RIMS1: variants seen among roughly 807,000 people sequenced by gnomAD.
RIMS1 encodes the protein regulating synaptic membrane exocytosis protein 1.
RIMS1 carries 83 observed loss-of-function variants against 214.1 expected under a neutral mutation model. The observed-to-expected ratio is 0.39, with a 90% CI of 0.32 to 0.47. The LOEUF is 0.47. Among genes scored for constraint, RIMS1 ranks in the 20% least tolerant of loss-of-function variants. The pLI is 0.99. For synonymous variants in RIMS1, 793 were observed against 786.8 expected, an observed-to-expected ratio of 1.01 and a Z score of -0.13; for missense variants, 2,050 against 2,161.8, an observed-to-expected ratio of 0.95 and a Z score of 1.03.
chr6:72,241,962 A>G (rs2067143194), intron 9 of RIMS1, among the ~76,000 whole-genome samples: 1 of 152,144 alleles, frequency 6.6e-6, no homozygotes, highest in South Asian at 2.1e-4. Context: ...GCATGCTGCT[A>G]ATTATTATTT....
At chr6:72,365,727 G>A (rs2097981130) in intron 29 of RIMS1, 1 of 152,316 alleles carries the variant, frequency 6.6e-6, no homozygotes, top group Non-Finnish European at 1.5e-5. Context: ...GGAAAAAGAG[G>A]AAAAACAGAA....
At chr6:72,037,854 G>A (rs928275922) in intron 2 of RIMS1, among the ~76,000 whole-genome samples, 3 of 151,452 alleles carry the variant, frequency 2.0e-5, no homozygotes, top group Admixed American at 6.6e-5. Flanking sequence ...ATGAAATGAA[G>A]CTGTTTCTGT....
intron 6 of RIMS1, among the ~76,000 whole-genome samples, chr6:72,219,628 A>G (rs2057676982): frequency 1.3e-5 from 2 of 151,976 alleles, no homozygotes; most frequent in Non-Finnish European, 1.5e-5. Context: ...TTTCAATACT[A>G]TAATATCTGT....
At chr6:72,034,447 A>G (rs957662069) in intron 2 of RIMS1, among the ~76,000 whole-genome samples, 9 of 152,126 alleles carry the variant, frequency 5.9e-5, no homozygotes, top group African/African-American at 2.2e-4. Flanking sequence ...AGTTTTTTTA[A>G]TCAGTATTTC....
At chr6:72,174,214 C>T (rs577483575) in intron 4 of RIMS1, among the ~76,000 whole-genome samples, 2 of 152,298 alleles carry the variant, frequency 1.3e-5, no homozygotes, top group South Asian at 2.1e-4. Context: ...ATTGTTATCT[C>T]CCTTCCTTGA....
chr6:72,182,406 A>C lies in RIMS1; in HGVS notation c.935A>C (p.Glu312Ala), dbSNP rs1418085117. The change falls in exon 6 of 34, where the codon GAA becomes GCA. Residue 312 changes from glutamate (E) to alanine (A), a missense_variant. Around this residue, in one of 6 missense-constraint regions of RIMS1, gnomAD observed 882 missense variants for 828.9 expected, o/e 1.06. Coordinates refer to ENST00000521978, the MANE Select transcript of RIMS1 (RefSeq NM_014989.7). ...EGAVEERERKERRESRRLEKG... is the reference protein window; with the variant it reads ...EGAVEERERKARRESRRLEKG... ...GCCGTCGAAGAACGGGAGCGCAAAG[A>C]AAGGCGGGAAAGCCGAAGGCTTGAG... The C allele has an allele frequency of 6.2e-7, 1 of 1,613,834 alleles. No individual in the cohort carries two copies. Among genetic ancestry groups the C allele is most frequent in the Non-Finnish European group, 8.5e-7 (1 of 1,179,894 alleles).
chr6:71,956,785 C>A (rs1166905199), intron 1 of RIMS1, among the ~76,000 whole-genome samples: 1 of 152,128 alleles, frequency 6.6e-6, no homozygotes, highest in Non-Finnish European at 1.5e-5. Context: ...GGACTCGTTT[C>A]ATCTCGTTGC....
At chr6:72,120,135 G>A (rs2153829930) in intron 4 of RIMS1, among the ~76,000 whole-genome samples, 2 of 151,976 alleles carry the variant, frequency 1.3e-5, no homozygotes, top group Admixed American at 6.6e-5. Context: ...TGTCTTTATA[G>A]TAGCATGATT....
chr6:72,218,001 C>G (rs1309526848), intron 6 of RIMS1, among the ~76,000 whole-genome samples: 3 of 151,768 alleles, frequency 2.0e-5, no homozygotes, highest in African/African-American at 4.8e-5. Context: ...TTCAGATGCT[C>G]AAGATCATCT....
intron 24 of RIMS1, among the ~76,000 whole-genome samples, chr6:72,287,750 C>T (rs115240378): frequency 6.6e-6 from 1 of 152,070 alleles, no homozygotes; most frequent in African/African-American, 2.4e-5. Flanking sequence ...GCGTGCTATA[C>T]GCCCGGCTAA....
intron 4 of RIMS1, among the ~76,000 whole-genome samples, chr6:72,116,815 T>A (rs2037172951): frequency 6.6e-6 from 1 of 152,148 alleles, no homozygotes; most frequent in East Asian, 1.9e-4. Context: ...AGCTATTAAT[T>A]TACAAAACAT....
intron 1 of RIMS1, among the ~76,000 whole-genome samples, chr6:71,914,354 T>G (rs1175922366): frequency 1.3e-5 from 2 of 152,062 alleles, no homozygotes; most frequent in Admixed American, 6.6e-5. Context: ...CACAAAAAAT[T>G]TAAGAGTGGA....
chr6:71,966,816 C>G (rs1273730144), intron 1 of RIMS1, among the ~76,000 whole-genome samples: 1 of 151,210 alleles, frequency 6.6e-6, no homozygotes, highest in Admixed American at 6.6e-5. Flanking sequence ...GCCACCATGC[C>G]CAGCAGATAG....
intron 4 of RIMS1, among the ~76,000 whole-genome samples, chr6:72,143,412 A>G (rs1391290437): frequency 1.3e-5 from 2 of 152,206 alleles, no homozygotes; most frequent in African/African-American, 2.4e-5. Context: ...CATCATAAAG[A>G]GAGTCCAAAG....
At chr6:72,213,540 TAAAAA>T (rs1001192205) in intron 6 of RIMS1, among the ~76,000 whole-genome samples, 3 of 150,946 alleles carry the variant, frequency 2.0e-5, no homozygotes, top group Admixed American at 2.0e-4. Flanking sequence ...TGAAAATAAT[TAAAAA>T]AAAATAGCAG....
chr6:72,123,303 G>A (rs1441483532), intron 4 of RIMS1, among the ~76,000 whole-genome samples: 1 of 151,834 alleles, frequency 6.6e-6, no homozygotes, highest in Non-Finnish European at 1.5e-5. Context: ...TCTTAATCCT[G>A]AGTTCTAGTT....
chr6:72,271,269 GAA>G (rs1159251437), intron 22 of RIMS1, among the ~76,000 whole-genome samples: 208 of 52,744 alleles, frequency 3.9e-3, no homozygotes, highest in Middle Eastern at 0.012. Context: ...CCATCTCAAG[GAA>G]AAAAAAAAAA....
At chr6:72,277,535 T>TC (rs1386301751) in intron 23 of RIMS1, among the ~76,000 whole-genome samples, 1 of 150,632 alleles carries the variant, frequency 6.6e-6, no homozygotes, top group Non-Finnish European at 1.5e-5. Flanking sequence ...TGAGCCGACA[T>TC]CGCGCCACTG....
At chr6:72,281,530 A>T (rs1490387570) in intron 23 of RIMS1, among the ~76,000 whole-genome samples, 2 of 152,138 alleles carry the variant, frequency 1.3e-5, no homozygotes, top group African/African-American at 4.8e-5. Context: ...TTTCAAAAAG[A>T]TGCCAATAGC....
Sources: allele counts gnomAD v4.1 joint callset (sites outside exome capture counted in the v4.1 genomes callset), GRCh38; gene constraint gnomAD v4.1.1; regional missense constraint gnomAD v4.1.1; transcripts MANE v1.5; gene names NCBI Gene and HGNC (gene_info 2026-07-23, HGNC 2026-07-21).